Variants in DAB1 observed in about 807,000 individuals in gnomAD.
DAB1 encodes disabled homolog 1.
Under a neutral mutation model 64.6 loss-of-function variants are expected in DAB1, and 15 were observed. The ratio of observed to expected loss-of-function variants is 0.23; its 90% CI spans 0.16 to 0.36. The LOEUF is 0.36. Ranked by LOEUF, DAB1 falls within the 10% of genes least tolerant of loss-of-function variation. DAB1 has a pLI of 1.00. For missense variants in DAB1, 596 were observed against 706.7 expected (o/e 0.84, Z 1.78); for synonymous variants, 235 against 251.9 (o/e 0.93, Z 0.64).
chr1:57,112,453 G>C (rs1221140198), intron 4 of DAB1, among the ~76,000 whole-genome samples: 1 of 152,112 alleles, frequency 6.6e-6, no homozygotes, highest in Non-Finnish European at 1.5e-5. Flanking sequence ...CCCTTATGCT[G>C]TCTTCTACGT....
intron 2 of DAB1, among the ~76,000 whole-genome samples, chr1:57,153,277 C>T (rs1317002231): frequency 2.6e-5 from 4 of 152,178 alleles, no homozygotes; most frequent in South Asian, 2.1e-4. Context: ...CTGCCTGCCT[C>T]GGCCTCCCTG....
chr1:57,498,527 A>T (rs556155451), intron 7 of DAB1, among the ~76,000 whole-genome samples: 1 of 152,366 alleles, frequency 6.6e-6, no homozygotes, highest in South Asian at 2.1e-4. Flanking sequence ...AACAATGCCA[A>T]CATGGCACAG....
chr1:57,683,912 T>C (rs1646665544), intron 6 of DAB1, among the ~76,000 whole-genome samples: 1 of 152,034 alleles, frequency 6.6e-6, no homozygotes, highest in African/African-American at 2.4e-5. Context: ...GCCAGTTTAG[T>C]AAACAACAAA....
chr1:57,255,956 T>A (rs1295005308), intron 2 of DAB1, among the ~76,000 whole-genome samples: 1 of 152,230 alleles, frequency 6.6e-6, no homozygotes, highest in Non-Finnish European at 1.5e-5. Flanking sequence ...GTGCCATTTA[T>A]TAAATGTATA....
rs1324785649 is a variant in DAB1, at chr1:58,057,093, C to T, written n.387+93418G>A. Among the ~76,000 whole-genome samples, 4 of 152,096 alleles carry T rather than the reference C, an allele frequency of 2.6e-5. No individual in the cohort carries two copies. In the South Asian group the frequency reaches 6.2e-4, roughly 24 times the overall value. ...CACACTTTGTAAACTCTGATTTTCC[C>T]CTCTGGCCTCACTCAACCTGATTCT... On this transcript the variant is annotated intron_variant and non_coding_transcript_variant, in intron 5 of 20. Coordinates refer to the DAB1 transcript ENST00000485760.
intron 5 of DAB1, among the ~76,000 whole-genome samples, chr1:57,916,341 A>G (rs368245447): frequency 3.9e-5 from 6 of 152,296 alleles, no homozygotes. Context: ...CAGTTTTCCT[A>G]TGACTTGAAT....
chr1:58,449,750 C>A (rs1475892884), intron 3 of DAB1, among the ~76,000 whole-genome samples: 5 of 51,964 alleles, frequency 9.6e-5, no homozygotes, highest in African/African-American at 2.9e-4. Context: ...TGAAGCCAGG[C>A]GGCTGTTTCC....
Position 58,535,045 on chromosome 1 carries a change from C to G in DAB1, n.33-7710G>C, listed in dbSNP as rs539310614. Reference sequence around the variant, plus strand: ...GCATTGAACAGAAAAACACCCTATACCTAATAAGAAAGTTAAACTACCAAA... The same window carrying G: ...GCATTGAACAGAAAAACACCCTATAGCTAATAAGAAAGTTAAACTACCAAA... On this transcript the variant is annotated intron_variant and non_coding_transcript_variant, in intron 1 of 20. Transcript: ENST00000485760. Among the ~76,000 whole-genome samples, 295 of 152,154 alleles carry G rather than the reference C, an allele frequency of 1.9e-3. 1 individual carries two copies. Among genetic ancestry groups the G allele is most frequent in the African/African-American group, 6.1e-3 (255 of 41,486 alleles).
chr1:57,177,824 T>C (rs899134576), intron 2 of DAB1, among the ~76,000 whole-genome samples: 1 of 152,210 alleles, frequency 6.6e-6, no homozygotes, highest in African/African-American at 2.4e-5. Context: ...AAATATAAGC[T>C]ATATCAGATC....
chr1:57,161,459 T>C (rs1039543324), intron 2 of DAB1, among the ~76,000 whole-genome samples: 8 of 152,154 alleles, frequency 5.3e-5, no homozygotes, highest in Admixed American at 2.0e-4. Context: ...GCAGCCTCAC[T>C]ACCACCAGAA....
At chr1:57,674,702 A>G (rs1055668492) in intron 6 of DAB1, among the ~76,000 whole-genome samples, 1 of 152,152 alleles carries the variant, frequency 6.6e-6, no homozygotes, top group Non-Finnish European at 1.5e-5. Flanking sequence ...AGTCACCAAT[A>G]TAAATACTAT....
intron 7 of DAB1, among the ~76,000 whole-genome samples, chr1:57,638,644 T>C (rs996828784): frequency 6.6e-6 from 1 of 152,222 alleles, no homozygotes; most frequent in Non-Finnish European, 1.5e-5. Flanking sequence ...ACAGTTCATG[T>C]TCCTGAGGAG....
chr1:57,821,381 TTTATCAAAAGCAGAGG>T (rs1300841162), downstream of DAB1, among the ~76,000 whole-genome samples: 1 of 152,148 alleles, frequency 6.6e-6, no homozygotes, highest in Non-Finnish European at 1.5e-5. Context: ...ATGACTGATG[TTTATCAAAAGCAGAGG>T]CAATGAGCAG....
chr1:57,242,524 C>A (rs563525809), intron 2 of DAB1, among the ~76,000 whole-genome samples: 28 of 152,208 alleles, frequency 1.8e-4, no homozygotes, highest in African/African-American at 6.5e-4. Context: ...ATTTTTACTT[C>A]TCAAGGTAAA....
intron 1 of DAB1, among the ~76,000 whole-genome samples, chr1:58,537,146 T>C (rs1646531306): frequency 6.6e-6 from 1 of 151,858 alleles, no homozygotes; most frequent in East Asian, 1.9e-4. Flanking sequence ...GAAGATAAAA[T>C]TGTTAGGTAA....
rs138929557 is a variant in DAB1 at position 58,390,599 on chromosome 1, T to A, written n.258-47196A>T. On this transcript the variant is annotated intron_variant and non_coding_transcript_variant, in intron 3 of 20. Coordinates refer to the DAB1 transcript ENST00000485760. ...TCAAGTAATATAACTTCACTGCTCC[T>A]TGGTGTCCTCTAGCTTTTTGTGAAA... Among the ~76,000 whole-genome samples the A allele has an allele frequency of 1.8e-3, 268 of 152,340 alleles. 1 individual carries two copies. Among genetic ancestry groups the A allele is most frequent in the African/African-American group, 6.1e-3 (252 of 41,578 alleles).
At chr1:58,225,799 C>T (rs1370099278) in intron 4 of DAB1, among the ~76,000 whole-genome samples, 12 of 108,442 alleles carry the variant, frequency 1.1e-4, no homozygotes, top group South Asian at 3.3e-4. Flanking sequence ...CATCACACAC[C>T]GGGCCTGTTG....
intron 6 of DAB1, among the ~76,000 whole-genome samples, chr1:57,762,199 A>G (rs1649117057): frequency 6.6e-6 from 1 of 152,170 alleles, no homozygotes; most frequent in Non-Finnish European, 1.5e-5. Context: ...CCTCTGGTCC[A>G]GGTATTCTTA....
At chr1:57,440,529 G>A (rs1685901347) in intron 7 of DAB1, among the ~76,000 whole-genome samples, 1 of 152,098 alleles carries the variant, frequency 6.6e-6, no homozygotes, top group Admixed American at 6.5e-5. Context: ...AGGAAAGGAA[G>A]GAAGAAAGAA....
Sources: gnomAD v4.1 joint callset for allele counts (sites outside exome capture counted in the v4.1 genomes callset) on GRCh38, gnomAD v4.1.1 for gene constraint, MANE v1.5 for transcripts, NCBI Gene and HGNC (gene_info 2026-07-23, HGNC 2026-07-21) for gene names.